THSD4: variants seen among roughly 807,000 people sequenced by gnomAD.
THSD4 encodes thrombospondin type 1 domain containing 4.
A neutral mutation model predicts 119.0 loss-of-function variants in THSD4; 69 were observed. The observed-to-expected ratio is 0.58, with a 90% CI of 0.48 to 0.71. The LOEUF (loss-of-function observed/expected upper bound fraction) is 0.71, where lower values mean the gene tolerates loss of function less well. THSD4 is among the 30% of genes least tolerant of loss of function. The pLI, the probability that THSD4 is intolerant of heterozygous loss-of-function variation, is 0.00. For missense variants in THSD4, 1,393 were observed against 1,391.1 expected, an observed-to-expected ratio of 1.00 and a Z score of -0.02; for synonymous variants, 524 against 540.4, an observed-to-expected ratio of 0.97 and a Z score of 0.42.
In THSD4 at chr15:71,480,516, C is replaced by A. The variant is rs2047714468; in HGVS notation, c.1152+68693C>A. On this transcript the variant is annotated intron_variant, in intron 7 of 17. Transcript: ENST00000261862. ...CCATAATATTGCTGCGTAACAACTA[C>A]AAAAATAAGGCAGATAGAAATAAGC... Among the ~76,000 whole-genome samples, 4 of 152,150 alleles carry A rather than the reference C, an allele frequency of 2.6e-5. No homozygotes were observed. The South Asian group carries it at 6.2e-4, about 24-fold the overall frequency.
chr15:71,610,465 A>G (rs1394605927), intron 7 of THSD4, among the ~76,000 whole-genome samples: 14 of 152,140 alleles, frequency 9.2e-5, no homozygotes, highest in Admixed American at 9.2e-4. Flanking sequence ...TTTTTTCACA[A>G]CAGAACTCCT....
At chr15:71,143,808 C>A (rs889264232) in intron 2 of THSD4, among the ~76,000 whole-genome samples, 1 of 149,456 alleles carries the variant, frequency 6.7e-6, no homozygotes, top group Non-Finnish European at 1.5e-5. Context: ...TGGGCTCAAG[C>A]GATCCTCCAC....
upstream of THSD4, chr15:71,111,024 G>A: frequency 9.2e-7 from 1 of 1,081,612 alleles, no homozygotes; most frequent in South Asian, 1.7e-5. Context: ...GTCCTAAGGA[G>A]AAGCAGCCTC....
chr15:71,176,188 C>G (rs1207429463), intron 3 of THSD4, among the ~76,000 whole-genome samples: 1 of 140,310 alleles, frequency 7.1e-6, no homozygotes, highest in Admixed American at 7.4e-5. Context: ...AAGACACAGA[C>G]TGGCAAGTTG....
At chr15:71,309,548 T>C (rs1407984528) in intron 6 of THSD4, among the ~76,000 whole-genome samples, 1 of 152,202 alleles carries the variant, frequency 6.6e-6, no homozygotes. Context: ...GTACATTTGA[T>C]GTCCTATTTG....
upstream of THSD4, chr15:71,111,096 A>G: frequency 1.3e-6 from 2 of 1,536,028 alleles, no homozygotes; most frequent in Admixed American, 4.0e-5. Flanking sequence ...AAGGGGAAAT[A>G]ATCTGAATAT....
intron 6 of THSD4, among the ~76,000 whole-genome samples, chr15:71,275,098 A>G (rs1303959422): frequency 6.6e-6 from 1 of 152,008 alleles, no homozygotes. Context: ...TACTCAACAG[A>G]TGCAGGAATA....
At chr15:71,333,722 C>T (rs533925477) in intron 6 of THSD4, among the ~76,000 whole-genome samples, 2 of 152,298 alleles carry the variant, frequency 1.3e-5, no homozygotes, top group Admixed American at 1.3e-4. Context: ...ACACTTTACT[C>T]AAGGCTATTT....
chr15:71,604,690 G>A (rs2050074772), intron 7 of THSD4, among the ~76,000 whole-genome samples: 1 of 152,130 alleles, frequency 6.6e-6, no homozygotes, highest in Non-Finnish European at 1.5e-5. Context: ...AGCAAGCAAG[G>A]GCTAGGAAAT....
At chr15:71,354,512 C>A (rs1340611417) in intron 6 of THSD4, among the ~76,000 whole-genome samples, 1 of 152,198 alleles carries the variant, frequency 6.6e-6, no homozygotes, top group African/African-American at 2.4e-5. Context: ...GAAAGTATCT[C>A]ATGACCTAAA....
intron 11 of THSD4, among the ~76,000 whole-genome samples, chr15:71,740,057 C>T (rs145670655): frequency 1.8e-4 from 27 of 152,194 alleles, no homozygotes; most frequent in Non-Finnish European, 3.1e-4. Flanking sequence ...TCTGCAGTTC[C>T]ATAATGATTT....
chr15:71,265,514 C>T (rs536446545), intron 6 of THSD4, among the ~76,000 whole-genome samples: 22 of 152,254 alleles, frequency 1.4e-4, no homozygotes, highest in African/African-American at 5.3e-4. Context: ...GTTTCAAGCA[C>T]AAAACTGGGT....
chr15:71,771,172 G>A lies in THSD4; in HGVS notation c.2878G>A (p.Glu960Lys), dbSNP rs1470133789. 6.2e-7 allele frequency: 1 copy of A among 1,614,048 alleles called. No homozygotes were observed. Among genetic ancestry groups the A allele is most frequent in the Non-Finnish European group, 8.5e-7 (1 of 1,180,042 alleles). The change falls in exon 17 of 18, where the codon GAA becomes AAA. Residue 960 changes from glutamate to lysine, a missense_variant. Coordinates refer to ENST00000261862, the MANE Select transcript of THSD4 (RefSeq NM_024817.3). The part of the protein sequence containing the change: ...CDPQLKPEER[E>K]SCNPQDCVPE... ...CCCTCAGTTGAAACCAGAAGAGAGA[G>A]AATCTTGTAACCCTCAGGACTGTGT... is the stretch of plus-strand genomic sequence containing the variant.
rs545847413 is a variant in THSD4 at position 71,423,651 on chromosome 15, G to A, written c.1152+11828G>A. 5.9e-5 allele frequency among the ~76,000 whole-genome samples: 9 copies of A among 152,230 alleles called. No homozygotes were observed. The South Asian group carries it at 8.3e-4, about 14-fold the overall frequency. Reference sequence around the variant, plus strand: ...TGCACTGCCTGGGGTTGGAGGAGGCGGAGTGTAAACACTCCTTTGACCAAC... The same window carrying A: ...TGCACTGCCTGGGGTTGGAGGAGGCAGAGTGTAAACACTCCTTTGACCAAC... On this transcript the variant is annotated intron_variant, in intron 7 of 17. Coordinates refer to ENST00000261862, the MANE Select transcript of THSD4 (RefSeq NM_024817.3).
chr15:71,527,861 C>T (rs1040088609), intron 7 of THSD4, among the ~76,000 whole-genome samples: 2 of 151,786 alleles, frequency 1.3e-5, no homozygotes, highest in African/African-American at 2.4e-5. Flanking sequence ...TAAAGGTGCA[C>T]ACCACCACAC....
chr15:71,523,983 G>A (rs958125403), intron 7 of THSD4, among the ~76,000 whole-genome samples: 2 of 152,128 alleles, frequency 1.3e-5, no homozygotes, highest in Non-Finnish European at 2.9e-5. Flanking sequence ...ACATCCCCAC[G>A]TATATCATAA....
rs140204774 is a variant in THSD4 at position 71,628,701 on chromosome 15, C to T, written c.1153-31829C>T. Among the ~76,000 whole-genome samples, 12 of 152,322 alleles carry T rather than the reference C, an allele frequency of 7.9e-5. No homozygotes were observed. The East Asian group carries it at 1.2e-3, about 15-fold the overall frequency. ...AAGGGTGTCAATACACTTTGAGAAT[C>T]GAATCTTGATCTTGATGGAGACGTT... On this transcript the variant is annotated intron_variant, in intron 7 of 17. Coordinates refer to ENST00000261862, the MANE Select transcript of THSD4 (RefSeq NM_024817.3).
At chr15:71,495,113 A>G (rs1173730824) in intron 7 of THSD4, among the ~76,000 whole-genome samples, 1 of 152,212 alleles carries the variant, frequency 6.6e-6, no homozygotes, top group Non-Finnish European at 1.5e-5. Flanking sequence ...GGTGCCAGTG[A>G]CCTAAGTCAC....
chr15:71,514,275 A>G (rs2048323726), intron 7 of THSD4, among the ~76,000 whole-genome samples: 2 of 152,224 alleles, frequency 1.3e-5, no homozygotes, highest in African/African-American at 4.8e-5. Context: ...CATAAGGCTC[A>G]TAATGGCACC....
Sources: gnomAD v4.1 joint callset for allele counts (sites outside exome capture counted in the v4.1 genomes callset) on GRCh38, gnomAD v4.1.1 for gene constraint, MANE v1.5 for transcripts, NCBI Gene and HGNC (gene_info 2026-07-23, HGNC 2026-07-21) for gene names.